TUBA1C: variants seen among roughly 807,000 people sequenced by gnomAD.
TUBA1C encodes the protein tubulin alpha 1c.
A neutral mutation model predicts 34.9 loss-of-function variants in TUBA1C; 16 were observed. That is an observed-to-expected ratio of 0.46 (90% CI 0.31 to 0.70). The LOEUF (loss-of-function observed/expected upper bound fraction) is 0.70. TUBA1C is among the 30% of genes least tolerant of loss of function. The pLI is 0.05. For missense variants in TUBA1C, 329 were observed against 587.3 expected, an observed-to-expected ratio of 0.56 and a Z score of 4.55; for synonymous variants, 177 against 215.9, an observed-to-expected ratio of 0.82 and a Z score of 1.58.
intron 1 of TUBA1C, among the ~76,000 whole-genome samples, chr12:49,249,077 A>T (rs2137000990): frequency 6.6e-6 from 1 of 152,174 alleles, no homozygotes; most frequent in South Asian, 2.1e-4. Context: ...TTAGAGGAAA[A>T]CATATATATA....
In TUBA1C at chr12:49,269,458, C is replaced by G. The variant is rs901892861; in HGVS notation, c.4-7C>G. ...TACCCTGACATTTTCCTTTCTTCCT[C>G]CCACAGCGTGAGTGCATCTCCATCC... On this transcript the variant is annotated splice_region_variant and splice_polypyrimidine_tract_variant and intron_variant, in intron 1 of 3. Coordinates refer to ENST00000301072, the MANE Select transcript of TUBA1C (RefSeq NM_032704.5). 1.2e-6 allele frequency: 2 copies of G among 1,614,134 alleles called. No individual in the cohort carries two copies. Among genetic ancestry groups the G allele is most frequent in the Middle Eastern group, 1.7e-4 (1 of 6,058 alleles).
At chr12:49,232,695 AG>A (rs1157741902) in intron 1 of TUBA1C, 1 of 152,224 alleles carries the variant, frequency 6.6e-6, no homozygotes, top group Non-Finnish European at 1.5e-5. Flanking sequence ...ATATCTGCTC[AG>A]TAACTTATAC....
At chr12:49,232,907 T>G (rs114902819) in intron 1 of TUBA1C, 154 of 152,284 alleles carry the variant, frequency 1.0e-3, no homozygotes, top group African/African-American at 3.3e-3. Context: ...ATTCTAAAAA[T>G]AGTTTGACCC....
chr12:49,270,782 C>T (rs1417041990), intron 3 of TUBA1C, among the ~76,000 whole-genome samples: 2 of 152,100 alleles, frequency 1.3e-5, no homozygotes, highest in Non-Finnish European at 2.9e-5. Context: ...AGATCGAGAC[C>T]ATCCTGGCTA....
intron 1 of TUBA1C, among the ~76,000 whole-genome samples, chr12:49,244,527 T>C (rs186921233): frequency 3.6e-4 from 55 of 152,242 alleles, no homozygotes; most frequent in African/African-American, 1.3e-3. Context: ...TCCCTATTTT[T>C]AGAAATTCTA....
chr12:49,272,947 A>T lies in TUBA1C; in HGVS notation c.1070A>T (p.Tyr357Phe). 1 of 1,614,200 alleles carries T rather than the reference A, an allele frequency of 6.2e-7. No homozygotes were observed. Among genetic ancestry groups the T allele is most frequent in the Non-Finnish European group, 8.5e-7 (1 of 1,180,042 alleles). Residue 357 changes from tyrosine to phenylalanine, a missense_variant, in exon 4 of 4, where the codon TAC becomes TTC. By Grantham distance (22) the Tyr-to-Phe change is conservative (BLOSUM62 3). Coordinates refer to ENST00000301072, the MANE Select transcript of TUBA1C (RefSeq NM_032704.5). Reference protein sequence around the residue: ...CPTGFKVGINYQPPTVVPGGD... With the variant: ...CPTGFKVGINFQPPTVVPGGD... ...ACTGGCTTCAAGGTTGGCATTAATTACCAGCCTCCCACTGTGGTGCCTGGC... is the reference window on the plus strand; with the variant it reads ...ACTGGCTTCAAGGTTGGCATTAATTTCCAGCCTCCCACTGTGGTGCCTGGC...
intron 1 of TUBA1C, among the ~76,000 whole-genome samples, chr12:49,265,961 AAAAAAAAAAAAC>A (rs998738661): frequency 3.5e-5 from 5 of 140,972 alleles, no homozygotes; most frequent in African/African-American, 8.1e-5. Context: ...CTACTTTAAA[AAAAAAAAAAAAC>A]AAAAAAAAAC....
chr12:49,273,339 G>T lies in TUBA1C; in HGVS notation c.*112G>T, dbSNP rs769601559. ...AATTGAAGTTTCCATTTTAAATGTC[G>T]AGCTGACTTAAATACTTGATCCAGT... On this transcript the variant is annotated 3_prime_UTR_variant, in exon 4 of 4. Transcript: ENST00000301072. 1.3e-6 allele frequency: 2 copies of T among 1,587,318 alleles called. No homozygotes were observed. The highest frequency in any genetic ancestry group is 2.7e-5 in the African/African-American group (2 of 74,318).
At chr12:49,241,804 C>T (rs1942620028) in intron 1 of TUBA1C, among the ~76,000 whole-genome samples, 2 of 151,668 alleles carry the variant, frequency 1.3e-5, no homozygotes, top group African/African-American at 2.4e-5. Flanking sequence ...CGCACGCCGA[C>T]ACGCCCGGCT....
At chr12:49,241,195 C>T (rs556562241) in intron 1 of TUBA1C, among the ~76,000 whole-genome samples, 1 of 152,270 alleles carries the variant, frequency 6.6e-6, no homozygotes, top group African/African-American at 2.4e-5. Flanking sequence ...AGCCACCATG[C>T]CTGGTCCCAT....
At chr12:49,229,674 G>GGTGTT (rs1942475344) in intron 1 of TUBA1C, among the ~76,000 whole-genome samples, 1 of 150,064 alleles carries the variant, frequency 6.7e-6, no homozygotes, top group East Asian at 2.0e-4. Flanking sequence ...TTTGCATAGA[G>GGTGTT]GTGTGTGTGT....
intron 1 of TUBA1C, among the ~76,000 whole-genome samples, chr12:49,242,716 A>G (rs1232810056): frequency 6.6e-6 from 1 of 151,692 alleles, no homozygotes; most frequent in East Asian, 1.9e-4. Flanking sequence ...TCAAACTCCT[A>G]GTCTCAAGCA....
intron 1 of TUBA1C, among the ~76,000 whole-genome samples, chr12:49,247,278 C>A (rs560245957): frequency 2.6e-5 from 4 of 151,594 alleles, no homozygotes; most frequent in African/African-American, 9.7e-5. Context: ...ACAAACCCGC[C>A]GGACTTGGTG....
chr12:49,236,303 A>G (rs572077021), intron 1 of TUBA1C, among the ~76,000 whole-genome samples: 13 of 152,364 alleles, frequency 8.5e-5, no homozygotes, highest in Admixed American at 8.5e-4. Flanking sequence ...AAAGTCCATA[A>G]TCAGAAAACG....
At chr12:49,234,807 G>A (rs1942534640) in intron 1 of TUBA1C, among the ~76,000 whole-genome samples, 1 of 152,226 alleles carries the variant, frequency 6.6e-6, no homozygotes, top group South Asian at 2.1e-4. Flanking sequence ...TTGGAAGAGT[G>A]GACATCCTAA....
At chr12:49,229,028 A>C (rs1420440078) in intron 1 of TUBA1C, among the ~76,000 whole-genome samples, 3 of 152,212 alleles carry the variant, frequency 2.0e-5, no homozygotes, top group Non-Finnish European at 4.4e-5. Context: ...GAGACATTAA[A>C]TTTAGAAAAT....
At chr12:49,267,080 A>G (rs1221705995) in intron 1 of TUBA1C, among the ~76,000 whole-genome samples, 1 of 152,188 alleles carries the variant, frequency 6.6e-6, no homozygotes, top group Non-Finnish European at 1.5e-5. Context: ...CACTAGACCA[A>G]TTGACTCCAC....
upstream of TUBA1C, among the ~76,000 whole-genome samples, chr12:49,263,840 C>A (rs1942865253): frequency 6.6e-6 from 1 of 152,132 alleles, no homozygotes; most frequent in Non-Finnish European, 1.5e-5. Context: ...TTTAATTCCT[C>A]GGAGCTCTAC....
Position 49,235,939 on chromosome 12 carries a change from C to T in TUBA1C, c.213+7773C>T, listed in dbSNP as rs181308187. On this transcript the variant is annotated intron_variant, in intron 1 of 3. Coordinates refer to the TUBA1C transcript ENST00000541364. ...ACGGGCACAGGGCTACAAACTAAAA[C>T]TATGCTTTCCATCAGTGCACACAGC... is the stretch of plus-strand genomic sequence containing the variant. 2.0e-5 allele frequency among the ~76,000 whole-genome samples: 3 copies of T among 152,258 alleles called. No homozygotes were observed. The East Asian group carries it at 5.8e-4, about 29-fold the overall frequency.
Sources: allele counts gnomAD v4.1 joint callset (sites outside exome capture counted in the v4.1 genomes callset), GRCh38; gene constraint gnomAD v4.1.1; transcripts MANE v1.5; gene names NCBI Gene and HGNC (gene_info 2026-07-23, HGNC 2026-07-21).